Variants in FRMPD4 observed in about 807,000 individuals in gnomAD.
FRMPD4 encodes FERM and PDZ domain-containing protein 4.
Under a neutral mutation model 94.1 loss-of-function variants are expected in FRMPD4, and 22 were observed. That is an observed-to-expected ratio of 0.23 (90% CI 0.17 to 0.33). The LOEUF is 0.33. Ranked by LOEUF, FRMPD4 falls within the 10% of genes least tolerant of loss-of-function variation. The probability of loss-of-function intolerance (pLI) is 1.00; values close to 1 mark genes in which losing one functional copy is unlikely to be tolerated. For synonymous variants in FRMPD4, 631 were observed against 548.6 expected (o/e 1.15, Z -2.10); for missense variants, 1,111 against 1,339.9 (o/e 0.83, Z 2.67).
In FRMPD4 at chrX:12,549,464, C is replaced by A. The variant is rs183509139; in HGVS notation, c.158+50668C>A. On this transcript the variant is annotated intron_variant, in intron 2 of 16. Coordinates refer to ENST00000675598, the MANE Select transcript of FRMPD4 (RefSeq NM_001368397.1). ...TATTCAAATCATAGATCTTCATTTA[C>A]ATTCTATAGCTGAAGTTAATGTACC... is the stretch of plus-strand genomic sequence containing the variant. 3.1e-3 allele frequency among the ~76,000 whole-genome samples: 350 copies of A among 112,618 alleles called. 2 individuals are homozygous for A. The highest frequency in any genetic ancestry group is 0.011 in the African/African-American group (337 of 31,092).
chrX:11,861,383 T>A (rs6640803), intron 1 of FRMPD4, among the ~76,000 whole-genome samples: 5,549 of 110,046 alleles, frequency 0.05, 194 homozygotes, highest in East Asian at 0.26. Context: ...AATGTTAGGA[T>A]CAATAGTACT....
chrX:12,590,828 T>C (rs368515667), intron 2 of FRMPD4, among the ~76,000 whole-genome samples: 12 of 112,010 alleles, frequency 1.1e-4, no homozygotes, highest in East Asian at 5.6e-4. Context: ...TTTCATCCAC[T>C]GGCCTTTCCC....
upstream of FRMPD4, among the ~76,000 whole-genome samples, chrX:12,136,613 T>G (rs947229167): frequency 2.7e-5 from 3 of 110,587 alleles, no homozygotes; most frequent in African/African-American, 9.9e-5. Flanking sequence ...GGTGGGAAGA[T>G]TACCTGTAGA....
intron 1 of FRMPD4, among the ~76,000 whole-genome samples, chrX:12,304,728 A>G (rs953430240): frequency 3.6e-5 from 4 of 111,687 alleles, no homozygotes; most frequent in African/African-American, 1.3e-4. Context: ...CTTGAGGCAA[A>G]ATCCACCCTG....
intron 1 of FRMPD4, among the ~76,000 whole-genome samples, chrX:12,292,518 C>G (rs1047559264): frequency 5.4e-5 from 6 of 110,467 alleles, no homozygotes; most frequent in Non-Finnish European, 1.1e-4. Flanking sequence ...CCATGTCAAT[C>G]GAGATGTATT....
intron 2 of FRMPD4, among the ~76,000 whole-genome samples, chrX:12,608,471 C>A (rs1161653337): frequency 8.9e-6 from 1 of 112,549 alleles, no homozygotes; most frequent in African/African-American, 3.2e-5. Context: ...TGAAAAGATT[C>A]ATTTGAACCA....
chrX:12,079,712 C>T (rs1302743628), intron 3 of FRMPD4, among the ~76,000 whole-genome samples: 1 of 111,956 alleles, frequency 8.9e-6, no homozygotes, highest in Non-Finnish European at 1.9e-5. Context: ...TTAGGTCCTG[C>T]CAGTGCTATA....
intron 1 of FRMPD4, among the ~76,000 whole-genome samples, chrX:12,450,930 C>A (rs1303566397): frequency 2.9e-5 from 3 of 103,980 alleles, no homozygotes; most frequent in African/African-American, 1.0e-4. Context: ...TACATTAAGC[C>A]AGTGGCCCCT....
At chrX:12,148,743 T>C (rs1041994369) in intron 1 of FRMPD4, among the ~76,000 whole-genome samples, 1 of 112,026 alleles carries the variant, frequency 8.9e-6, no homozygotes, top group East Asian at 2.8e-4. Flanking sequence ...GACTCTCTTT[T>C]TTGGAGTTAA....
intron 1 of FRMPD4, among the ~76,000 whole-genome samples, chrX:12,455,790 C>T (rs759733985): frequency 8.9e-6 from 1 of 112,088 alleles, no homozygotes; most frequent in Admixed American, 9.4e-5. Flanking sequence ...TATTGTTCTA[C>T]CACAAACTGG....
chrX:12,659,902 A>G (rs2059697681), intron 4 of FRMPD4, among the ~76,000 whole-genome samples: 1 of 112,444 alleles, frequency 8.9e-6, no homozygotes, highest in South Asian at 3.7e-4. Flanking sequence ...CCAGATACAT[A>G]TGCAAATTAA....
chrX:11,964,164 T>A (rs914211448), intron 3 of FRMPD4, among the ~76,000 whole-genome samples: 2 of 109,465 alleles, frequency 1.8e-5, no homozygotes, highest in Admixed American at 9.7e-5. Flanking sequence ...TTGTTGTTGT[T>A]GTTGTTGTTG....
chrX:12,564,739 C>T (rs2058695092), intron 2 of FRMPD4, among the ~76,000 whole-genome samples: 1 of 110,646 alleles, frequency 9.0e-6, no homozygotes. Flanking sequence ...GCAGAGATCC[C>T]TGGAGAAATG....
At chrX:12,541,201 C>A (rs2058406972) in intron 2 of FRMPD4, among the ~76,000 whole-genome samples, 1 of 111,469 alleles carries the variant, frequency 9.0e-6, no homozygotes, top group South Asian at 3.8e-4. Flanking sequence ...AGAGCAAACA[C>A]ATTTAAAAGC....
At chrX:12,037,700 A>C in intron 3 of FRMPD4, among the ~76,000 whole-genome samples, 1 of 111,221 alleles carries the variant, frequency 9.0e-6, no homozygotes, top group South Asian at 3.9e-4. Flanking sequence ...CCTAGTACCT[A>C]ATAGATACTT....
chrX:12,635,045 G>C (rs1271160767), intron 4 of FRMPD4, among the ~76,000 whole-genome samples: 1 of 110,369 alleles, frequency 9.1e-6, no homozygotes, highest in Non-Finnish European at 1.9e-5. Context: ...TGTTGGCCAA[G>C]CTGGTCTCGA....
intron 2 of FRMPD4, among the ~76,000 whole-genome samples, chrX:12,502,542 G>A (rs774431437): frequency 9.0e-6 from 1 of 110,779 alleles, no homozygotes; most frequent in South Asian, 3.9e-4. Context: ...CAGAGAAAGT[G>A]AGATACTCTA....
chrX:11,857,481 G>A (rs912951584), intron 1 of FRMPD4, among the ~76,000 whole-genome samples: 3 of 112,535 alleles, frequency 2.7e-5, no homozygotes, highest in East Asian at 2.8e-4. Flanking sequence ...AATGAATGGC[G>A]CTGGGAGAAC....
intron 1 of FRMPD4, among the ~76,000 whole-genome samples, chrX:11,843,978 CTTTTTTT>C (rs1193068056): frequency 3.3e-5 from 2 of 61,404 alleles, no homozygotes; most frequent in African/African-American, 1.4e-4. Context: ...GTTATGAATT[CTTTTTTT>C]TTTTTTTTTT....
Sources: gnomAD v4.1 joint callset for allele counts (sites outside exome capture counted in the v4.1 genomes callset) on GRCh38, gnomAD v4.1.1 for gene constraint, MANE v1.5 for transcripts, NCBI Gene and HGNC (gene_info 2026-07-23, HGNC 2026-07-21) for gene names.